The following IL4R variants were observed in gnomAD, a reference collection of about 807,000 sequenced individuals.
IL4R encodes the protein interleukin 4 receptor.
A neutral mutation model predicts 41.5 loss-of-function variants in IL4R; 17 were observed. The ratio of observed to expected loss-of-function variants is 0.41; its 90% confidence interval spans 0.28 to 0.61. The LOEUF is 0.61. IL4R is among the 20% of genes least tolerant of loss of function. The pLI is 0.31. For missense variants in IL4R, 974 were observed against 1,043.1 expected (o/e 0.93, Z 0.91); for synonymous variants, 402 against 422.9 (o/e 0.95, Z 0.61).
intron 1 of IL4R, among the ~76,000 whole-genome samples, chr16:27,323,142 G>A (rs1487144723): frequency 6.6e-6 from 1 of 152,296 alleles, no homozygotes; most frequent in South Asian, 2.1e-4. Context: ...GAAAATGAAC[G>A]GGAAGCTCTT....
At chr16:27,352,445 A>G in intron 6 of IL4R, 95 bp from the exon 7 acceptor site, 1 of 1,021,588 alleles carries the variant, frequency 9.8e-7, no homozygotes, top group Middle Eastern at 2.1e-4. Flanking sequence ...GGTGGCTCTT[A>G]AACATGGTGG....
chr16:27,353,908 C>A (rs2085963183), intron 7 of IL4R, among the ~76,000 whole-genome samples: 1 of 152,196 alleles, frequency 6.6e-6, no homozygotes. Flanking sequence ...CTACCTGCAG[C>A]CATGTTGGTC....
At chr16:27,326,270 T>A (rs1196620635) in intron 1 of IL4R, among the ~76,000 whole-genome samples, 1 of 152,136 alleles carries the variant, frequency 6.6e-6, no homozygotes, top group Non-Finnish European at 1.5e-5. Context: ...AAGAAAGGAA[T>A]GAATGAATGA....
At chr16:27,322,467 G>T (rs900998339) in intron 1 of IL4R, among the ~76,000 whole-genome samples, 1 of 152,082 alleles carries the variant, frequency 6.6e-6, no homozygotes, top group Non-Finnish European at 1.5e-5. Flanking sequence ...ATGAGCCACC[G>T]CAGCTGGCTG....
At position 27,346,518 on chromosome 16, in the gene IL4R, C is replaced by T. The variant is rs761874054; in HGVS notation, c.413C>T (p.Thr138Ile). ...NLTVHTNVSD[T>I]LLLTWSNPYP... ...ACAGTTCACACCAATGTCTCCGACA[C>T]TCTGCTGCTGACCTGGAGCAACCCG... Residue 138 changes from threonine (T) to isoleucine (I), a missense_variant, in exon 6 of 11, where the codon ACT becomes ATT. Thr to Ile is a moderately conservative substitution (Grantham distance 89). Transcript: ENST00000395762. 4 of 1,614,080 alleles carry T rather than the reference C, an allele frequency of 2.5e-6. No homozygotes were observed. The highest frequency in any genetic ancestry group is 3.4e-6 in the Non-Finnish European group (4 of 1,180,020).
At chr16:27,356,068 A>T (rs569582982) in intron 8 of IL4R, among the ~76,000 whole-genome samples, 161 bp downstream of exon 8, 1 of 149,486 alleles carries the variant, frequency 6.7e-6, no homozygotes, top group African/African-American at 2.5e-5. Context: ...CATATCGACA[A>T]GGACCCCACT....
chr16:27,360,704 C>T (rs2141214780), intron 9 of IL4R, 62 bp from the exon 10 acceptor site: 2 of 1,608,520 alleles, frequency 1.2e-6, no homozygotes, highest in Non-Finnish European at 1.7e-6. Context: ...CTGAGCATTG[C>T]CGTACTCCAG....
chr16:27,336,999 C>T (rs962521488), intron 2 of IL4R, among the ~76,000 whole-genome samples: 2 of 152,102 alleles, frequency 1.3e-5, no homozygotes, highest in East Asian at 1.9e-4. Context: ...ATCGCTTGAA[C>T]CTGGGAGGCG....
chr16:27,329,592 G>A (rs956726608), intron 1 of IL4R, among the ~76,000 whole-genome samples: 3 of 150,794 alleles, frequency 2.0e-5, no homozygotes, highest in African/African-American at 7.3e-5. Flanking sequence ...CACAAGAATC[G>A]CTTGAACCCG....
At chr16:27,341,445 G>A (rs370746658) in intron 3 of IL4R, 38 of 516,892 alleles carry the variant, frequency 7.4e-5, no homozygotes, top group Non-Finnish European at 9.0e-5. Flanking sequence ...TGAGATGGGC[G>A]TGGCACTGAG....
intron 1 of IL4R, among the ~76,000 whole-genome samples, chr16:27,316,809 A>G (rs1439932191): frequency 2.0e-5 from 3 of 152,162 alleles, no homozygotes; most frequent in Non-Finnish European, 4.4e-5. Flanking sequence ...TATAGTGACT[A>G]TGCCATTGTA....
intron 1 of IL4R, among the ~76,000 whole-genome samples, chr16:27,327,972 G>C (rs1248240882): frequency 3.9e-5 from 6 of 151,994 alleles, no homozygotes; most frequent in Non-Finnish European, 7.4e-5. Context: ...AGCACTATGG[G>C]AGGCTGAGGC....
Position 27,363,580 on chromosome 16 carries a change from G to T in IL4R, c.2228G>T (p.Cys743Phe). 6.2e-7 allele frequency: 1 copy of T among 1,614,106 alleles called. No homozygotes were observed. The highest frequency in any genetic ancestry group is 8.5e-7 in the Non-Finnish European group (1 of 1,180,016). Residue 743 changes from cysteine (C) to phenylalanine (F), a missense_variant, in exon 11 of 11, where the codon TGC (cysteine) becomes TTC (phenylalanine). Transcript: ENST00000395762. ...GGQTPVMASP[C>F]CGCCCGDRSS... ...CAGACCCCTGTCATGGCCAGTCCTTGCTGTGGCTGCTGCTGTGGAGACAGG... is the reference window on the plus strand; with the variant it reads ...CAGACCCCTGTCATGGCCAGTCCTTTCTGTGGCTGCTGCTGTGGAGACAGG...
intron 1 of IL4R, among the ~76,000 whole-genome samples, chr16:27,325,760 C>T (rs886475872): frequency 6.6e-6 from 1 of 152,050 alleles, no homozygotes; most frequent in African/African-American, 2.4e-5. Context: ...GGGCCCCTCC[C>T]CGAGAGAACT....
At chr16:27,342,983 CT>C (rs1281591155) in intron 4 of IL4R, among the ~76,000 whole-genome samples, 1 of 152,210 alleles carries the variant, frequency 6.6e-6, no homozygotes, top group South Asian at 2.1e-4. Flanking sequence ...CCAGACCACA[CT>C]TTGAGAACCA....
chr16:27,323,159 G>A (rs1433870057), intron 1 of IL4R, among the ~76,000 whole-genome samples: 1 of 152,224 alleles, frequency 6.6e-6, no homozygotes, highest in Non-Finnish European at 1.5e-5. Flanking sequence ...TCTTACCTGT[G>A]CCCATGTGTT....
intron 2 of IL4R, 37 bp from the exon 3 acceptor site, chr16:27,340,149 A>C (rs2085394491): frequency 2.1e-6 from 3 of 1,405,984 alleles, no homozygotes; most frequent in Admixed American, 3.5e-5. Flanking sequence ...TGCTGGAAGC[A>C]CAGGTCAGCA....
Position 27,345,076 on chromosome 16 carries a change from G to T in IL4R, c.361+56G>T. 2 of 1,028,084 alleles carry T rather than the reference G, an allele frequency of 1.9e-6. No individual in the cohort carries two copies. 63.7% of individuals were successfully genotyped at this position (1,028,084 alleles called of 1,614,324 possible). ...TGGGTGTGTTCCCACAGCTGCCTGG[G>T]CTGAGGGTGGGGTGGGCAGGGGAGG... On this transcript the variant is annotated intron_variant, in intron 5 of 10. Transcript: ENST00000395762. The surrounding 1 kb of genome is among the most constrained non-coding windows in gnomAD (Gnocchi z 4.5).
At chr16:27,339,301 A>G (rs1277068670) in intron 2 of IL4R, among the ~76,000 whole-genome samples, 1 of 152,104 alleles carries the variant, frequency 6.6e-6, no homozygotes, top group African/African-American at 2.4e-5. Context: ...ATTGCACCCA[A>G]TAGAGCAATA....
Sources: gnomAD v4.1 joint callset for allele counts (sites outside exome capture counted in the v4.1 genomes callset) on GRCh38, gnomAD v4.1.1 for gene constraint, Gnocchi (gnomAD v3.1) non-coding constraint, MANE v1.5 for transcripts, NCBI Gene and HGNC (gene_info 2026-07-23, HGNC 2026-07-21) for gene names.